The following MEIS2 variants were observed in gnomAD, a reference collection of about 807,000 sequenced individuals.
MEIS2 encodes the protein homeobox protein Meis2.
A neutral mutation model predicts 58.6 loss-of-function variants in MEIS2; 9 were observed. The ratio of observed to expected loss-of-function variants is 0.15; its 90% CI spans 0.09 to 0.27. MEIS2 has a LOEUF of 0.27. Among genes scored for constraint, MEIS2 ranks in the 10% least tolerant of loss-of-function variants. The pLI, the probability that MEIS2 is intolerant of heterozygous loss-of-function variation, is 1.00. For missense variants in MEIS2, 427 were observed against 635.0 expected (o/e 0.67, Z 3.52); for synonymous variants, 221 against 228.4 (o/e 0.97, Z 0.29).
chr15:37,092,593 C>G (rs1820779794), intron 6 of MEIS2, among the ~76,000 whole-genome samples: 1 of 151,146 alleles, frequency 6.6e-6, no homozygotes, highest in African/African-American at 2.4e-5. Flanking sequence ...AATAAAACTG[C>G]TGTTCACACC....
rs145236670 is a variant in MEIS2, at chr15:37,000,714, A to G, written c.900+36100T>C. ...CCCATCAATTTGCCCATATTCTCCC[A>G]TCCCTTGAATTTTCAATCTCTTCAC... On this transcript the variant is annotated intron_variant, in intron 8 of 11. Transcript: ENST00000561208. 3.2e-3 allele frequency among the ~76,000 whole-genome samples: 484 copies of G among 152,066 alleles called. 1 individual carries two copies. Among genetic ancestry groups the G allele is most frequent in the African/African-American group, 0.011 (466 of 41,478 alleles).
chr15:36,983,770 C>T (rs1442925067), intron 8 of MEIS2, among the ~76,000 whole-genome samples: 1 of 152,052 alleles, frequency 6.6e-6, no homozygotes, highest in Non-Finnish European at 1.5e-5. Context: ...TACTTCCAAT[C>T]CATGAACACA....
At chr15:37,044,267 G>T (rs2062569011) in intron 7 of MEIS2, among the ~76,000 whole-genome samples, 1 of 152,120 alleles carries the variant, frequency 6.6e-6, no homozygotes, top group Non-Finnish European at 1.5e-5. Flanking sequence ...TTCTGGATTT[G>T]CCCTCTCTGC....
At chr15:37,034,191 G>T (rs149104691) in intron 8 of MEIS2, among the ~76,000 whole-genome samples, 209 of 152,294 alleles carry the variant, frequency 1.4e-3, no homozygotes, top group Non-Finnish European at 2.2e-3. Flanking sequence ...AAATGTCCTT[G>T]AGCAGAACCA....
chr15:37,066,586 A>G (rs747268060), intron 7 of MEIS2: 2 of 152,238 alleles, frequency 1.3e-5, no homozygotes, highest in African/African-American at 2.4e-5. Context: ...AGAAACCTAC[A>G]TTAAGAAAGG....
At chr15:37,087,472 G>T (rs1017753139) in intron 6 of MEIS2, among the ~76,000 whole-genome samples, 1 of 152,126 alleles carries the variant, frequency 6.6e-6, no homozygotes. Flanking sequence ...AAAAGCAGGA[G>T]ACAATATGGG....
At chr15:36,913,736 A>T (rs1171839310) in intron 9 of MEIS2, among the ~76,000 whole-genome samples, 1 of 152,084 alleles carries the variant, frequency 6.6e-6, no homozygotes, top group East Asian at 1.9e-4. Context: ...AGGGGGAGAA[A>T]AAAAAAAGCT....
At chr15:37,078,853 A>C (rs1444842902) in intron 7 of MEIS2, among the ~76,000 whole-genome samples, 1 of 151,992 alleles carries the variant, frequency 6.6e-6, no homozygotes, top group Non-Finnish European at 1.5e-5. Flanking sequence ...ATCCCTTTAC[A>C]TGACTCAGTT....
In MEIS2 at chr15:37,095,758, A is replaced by G; in HGVS notation, c.388-144T>C. 2.6e-6 allele frequency: 3 copies of G among 1,167,866 alleles called. No homozygotes were observed. In the South Asian group the frequency reaches 4.2e-5, roughly 16 times the overall value. 72.3% of individuals were successfully genotyped at this position (1,167,866 alleles called of 1,614,324 possible). ...TACAAGAAAGAAACTGGTGCCTTAA[A>G]TTAGTGGAGTCCCTGAAGAAGAATC... On this transcript the variant is annotated intron_variant, in intron 3 of 11. Coordinates refer to ENST00000561208, the MANE Select transcript of MEIS2 (RefSeq NM_170675.5).
chr15:36,939,878 T>C (rs941816758), intron 9 of MEIS2, among the ~76,000 whole-genome samples: 1 of 152,196 alleles, frequency 6.6e-6, no homozygotes, highest in Non-Finnish European at 1.5e-5. Context: ...CATTACTTAC[T>C]TAGGGTATGG....
intron 7 of MEIS2, among the ~76,000 whole-genome samples, chr15:37,039,637 C>T (rs947000533): frequency 5.9e-5 from 9 of 152,100 alleles, no homozygotes; most frequent in African/African-American, 2.2e-4. Context: ...AAAAATATAG[C>T]TAGATTGAGC....
At chr15:36,968,702 C>A (rs1469095328) in intron 8 of MEIS2, among the ~76,000 whole-genome samples, 1 of 152,198 alleles carries the variant, frequency 6.6e-6, no homozygotes, top group Non-Finnish European at 1.5e-5. Context: ...GGTTTAAAAG[C>A]AATTCACTTG....
At chr15:37,043,844 C>T (rs960879212) in intron 7 of MEIS2, among the ~76,000 whole-genome samples, 10 of 151,946 alleles carry the variant, frequency 6.6e-5, no homozygotes, top group Non-Finnish European at 8.8e-5. Context: ...CGTGCCACCA[C>T]GCCCAGTTAA....
intron 9 of MEIS2, among the ~76,000 whole-genome samples, chr15:36,899,115 A>T (rs2056338961): frequency 6.6e-6 from 1 of 152,226 alleles, no homozygotes; most frequent in African/African-American, 2.4e-5. Flanking sequence ...TTTTGTTCTC[A>T]AACAATGTTT....
At position 36,948,228 on chromosome 15, in the gene MEIS2, C is replaced by T. The variant is rs908682429; in HGVS notation, c.977+2096G>A. The stretch of plus-strand genomic sequence containing the variant: ...TGTGTGACAGACTGTCACATCCTAA[C>T]CCTTGGCATTCTGTGGCAAATATGG... On this transcript the variant is annotated intron_variant, in intron 9 of 11. Transcript: ENST00000561208. 2.6e-5 allele frequency among the ~76,000 whole-genome samples: 4 copies of T among 151,972 alleles called. No individual in the cohort carries two copies. In the East Asian group the frequency reaches 7.7e-4, roughly 29 times the overall value.
intron 9 of MEIS2, among the ~76,000 whole-genome samples, chr15:36,923,688 CAA>C (rs1567057903): frequency 1.3e-5 from 2 of 152,174 alleles, no homozygotes; most frequent in African/African-American, 4.8e-5. Context: ...AAAACACAAA[CAA>C]AAGTCTTTCC....
In MEIS2 at chr15:36,898,411, CT is replaced by C. The variant is rs1189816000; in HGVS notation, c.978-1726del. On this transcript the variant is annotated intron_variant, in intron 9 of 11. Coordinates refer to ENST00000561208, the MANE Select transcript of MEIS2 (RefSeq NM_170675.5). ...AGGAGGGTCAGAGAAGGCTCTTCTC[CT>C]TGAAGTTTCTAATAGAGGACAACAC... The C allele has an allele frequency of 7.2e-5, 11 of 152,360 alleles. No homozygotes were observed. In the Middle Eastern group the frequency reaches 0.01, roughly 141 times the overall value. The allele number at this position is 152,360 out of a possible 1,614,324, so 9.4% of individuals were successfully genotyped here.
intron 8 of MEIS2, among the ~76,000 whole-genome samples, chr15:36,990,066 T>C (rs946081754): frequency 7.9e-5 from 12 of 152,070 alleles, no homozygotes; most frequent in African/African-American, 2.9e-4. Flanking sequence ...TGCCTCAGCC[T>C]CCCAAGTAGC....
chr15:37,028,390 C>A (rs1207023886), intron 8 of MEIS2, among the ~76,000 whole-genome samples: 1 of 152,124 alleles, frequency 6.6e-6, no homozygotes, highest in Admixed American at 6.6e-5. Context: ...CCCTCATAAT[C>A]CAATTCAAAA....
Sources: gnomAD v4.1 joint callset for allele counts (sites outside exome capture counted in the v4.1 genomes callset) on GRCh38, gnomAD v4.1.1 for gene constraint, MANE v1.5 for transcripts, NCBI Gene and HGNC (gene_info 2026-07-23, HGNC 2026-07-21) for gene names.